HERPUD2: variants seen among roughly 807,000 people sequenced by gnomAD.
HERPUD2 encodes the protein homocysteine-responsive endoplasmic reticulum-resident ubiquitin-like domain member 2 protein.
A neutral mutation model predicts 49.9 loss-of-function variants in HERPUD2; 13 were observed. That is an observed-to-expected ratio of 0.26 (90% CI 0.17 to 0.41). HERPUD2 has a LOEUF of 0.41. HERPUD2 is among the 10% of genes least tolerant of loss of function. HERPUD2 has a pLI of 1.00. For synonymous variants in HERPUD2, 172 were observed against 171.4 expected, an observed-to-expected ratio of 1.00 and a Z score of -0.03; for missense variants, 449 against 492.2, an observed-to-expected ratio of 0.91 and a Z score of 0.83.
At chr7:35,661,158 T>G (rs948338820) in intron 5 of HERPUD2, among the ~76,000 whole-genome samples, 4 of 152,196 alleles carry the variant, frequency 2.6e-5, no homozygotes, top group Non-Finnish European at 5.9e-5. Context: ...TTTCTTGTTT[T>G]CGTCAGGTTT....
At chr7:35,685,939 C>T (rs147497907) in intron 2 of HERPUD2, among the ~76,000 whole-genome samples, 257 of 150,572 alleles carry the variant, frequency 1.7e-3, no homozygotes, top group African/African-American at 5.9e-3. Flanking sequence ...CCAGCCTGGA[C>T]AACAGAGCGA....
chr7:35,654,983 T>C (rs1490838806), intron 5 of HERPUD2, among the ~76,000 whole-genome samples: 3 of 152,040 alleles, frequency 2.0e-5, no homozygotes, highest in Non-Finnish European at 2.9e-5. Context: ...GCCTCCAGAG[T>C]AGCTGGGATT....
chr7:35,655,540 T>C (rs921601421), intron 5 of HERPUD2, among the ~76,000 whole-genome samples: 1 of 152,106 alleles, frequency 6.6e-6, no homozygotes, highest in Admixed American at 6.5e-5. Flanking sequence ...GGAACATATC[T>C]CAACATAAAA....
intron 5 of HERPUD2, among the ~76,000 whole-genome samples, chr7:35,648,925 C>T (rs1785106019): frequency 6.6e-6 from 1 of 152,098 alleles, no homozygotes; most frequent in Non-Finnish European, 1.5e-5. Context: ...ATTAGTAAAC[C>T]TACATAAAGA....
chr7:35,682,345 GTGTGTGTGTGTGTATATATATATATATA>G (rs1785925189), intron 2 of HERPUD2, among the ~76,000 whole-genome samples: 13 of 28,236 alleles, frequency 4.6e-4, no homozygotes, highest in Admixed American at 2.8e-3. Context: ...GTGTGTGTGT[GTGTGTGTGTGTGTATATATATATATATA>G]TATATATATA....
intron 5 of HERPUD2, among the ~76,000 whole-genome samples, chr7:35,658,323 G>C (rs1785327751): frequency 1.3e-5 from 2 of 152,186 alleles, no homozygotes; most frequent in Non-Finnish European, 2.9e-5. Flanking sequence ...CAAGGGGCTA[G>C]GAAGGGTGCT....
chr7:35,674,151 T>C (rs1005448015), intron 2 of HERPUD2, among the ~76,000 whole-genome samples: 15 of 151,732 alleles, frequency 9.9e-5, no homozygotes, highest in African/African-American at 3.6e-4. Flanking sequence ...AGGGTCTTCT[T>C]ATATTAAAAT....
At chr7:35,683,185 T>C (rs1217632689) in intron 2 of HERPUD2, among the ~76,000 whole-genome samples, 2 of 152,256 alleles carry the variant, frequency 1.3e-5, no homozygotes, top group Admixed American at 6.5e-5. Flanking sequence ...TACAAGGCCA[T>C]AGTCACCAAA....
chr7:35,648,530 C>T (rs1785097730), intron 5 of HERPUD2, among the ~76,000 whole-genome samples: 1 of 152,142 alleles, frequency 6.6e-6, no homozygotes, highest in African/African-American at 2.4e-5. Context: ...AAGCATTTAC[C>T]AGCACAGCAC....
At position 35,633,759 on chromosome 7, in the gene HERPUD2, T is replaced by C; in HGVS notation, c.1152A>G (p.Ser384=). The stretch of plus-strand genomic sequence containing the variant: ...AGAAGGTGGTGATGAAAGACCAAGC[T>C]GAAGCCATTAATCCAGGCCTTTGAA... ...SAIQRPGLMA[S]AWSFITTFFT... The change falls in exon 9 of 9, where the codon TCA becomes TCG. Residue 384 remains serine, a synonymous_variant. Transcript: ENST00000311350. 6.2e-7 allele frequency: 1 copy of C among 1,614,058 alleles called. No individual in the cohort carries two copies. Among genetic ancestry groups the C allele is most frequent in the Non-Finnish European group, 8.5e-7 (1 of 1,179,968 alleles).
At chr7:35,670,577 A>G (rs1250383566) in intron 3 of HERPUD2, among the ~76,000 whole-genome samples, 2 of 152,100 alleles carry the variant, frequency 1.3e-5, no homozygotes, top group Non-Finnish European at 2.9e-5. Context: ...ATTATTTTGC[A>G]TACGAAGCAG....
chr7:35,647,253 T>A (rs1007768666), intron 5 of HERPUD2, among the ~76,000 whole-genome samples: 3 of 152,108 alleles, frequency 2.0e-5, no homozygotes, highest in African/African-American at 7.2e-5. Context: ...TTATTCTCCC[T>A]ATTAACCCCC....
intron 4 of HERPUD2, among the ~76,000 whole-genome samples, 173 bp from the exon 5 acceptor site, chr7:35,667,761 A>T (rs1785567916): frequency 6.6e-6 from 1 of 152,216 alleles, no homozygotes; most frequent in Admixed American, 6.5e-5. Context: ...TTAGTACGTC[A>T]AAACTTATCA....
Position 35,694,737 on chromosome 7 carries a change from G to A in HERPUD2, c.-298+64C>T, listed in dbSNP as rs189258865. The A allele has an allele frequency of 1.5e-3, 283 of 186,966 alleles. 2 individuals are homozygous for A. Among genetic ancestry groups the A allele is most frequent in the African/African-American group, 6.1e-3 (262 of 42,970 alleles). 11.6% of individuals were successfully genotyped at this position (186,966 alleles called of 1,614,324 possible). ...AACGCAACAAGGCCCCTACGCCACGGCCCCGCGGTGCGGATCGGGGAAGCA... is the reference window on the plus strand; with the variant it reads ...AACGCAACAAGGCCCCTACGCCACGACCCCGCGGTGCGGATCGGGGAAGCA... On this transcript the variant is annotated intron_variant, in intron 1 of 8. Coordinates refer to ENST00000311350, the MANE Select transcript of HERPUD2 (RefSeq NM_022373.5).
chr7:35,633,589 T>C lies in HERPUD2; in HGVS notation c.*101A>G, dbSNP rs111867949. 266 of 1,058,092 alleles carry C rather than the reference T, an allele frequency of 2.5e-4. No homozygotes were observed. In the African/African-American group the frequency reaches 3.3e-3, roughly 13 times the overall value. The allele number at this position is 1,058,092 out of a possible 1,614,324, so 65.5% of individuals were successfully genotyped here. The stretch of plus-strand genomic sequence containing the variant: ...TAAAGAAAAAAAACACCTCTGTACA[T>C]GATGATCAAAAGAAAGTTATAAATT... On this transcript the variant is annotated 3_prime_UTR_variant, in exon 9 of 9. Coordinates refer to ENST00000311350, the MANE Select transcript of HERPUD2 (RefSeq NM_022373.5).
intron 2 of HERPUD2, among the ~76,000 whole-genome samples, chr7:35,677,314 C>T (rs1284456187): frequency 6.6e-6 from 1 of 152,160 alleles, no homozygotes; most frequent in African/African-American, 2.4e-5. Context: ...TTTCCCCATT[C>T]TTTTTAACAA....
Position 35,633,620 on chromosome 7 carries a change from G to T in HERPUD2, c.*70C>A. The T allele has an allele frequency of 5.1e-6, 7 of 1,376,958 alleles. No homozygotes were observed. Among genetic ancestry groups the T allele is most frequent in the Non-Finnish European group, 5.9e-6 (6 of 1,012,836 alleles). 85.3% of individuals were successfully genotyped at this position (1,376,958 alleles called of 1,614,324 possible). On this transcript the variant is annotated 3_prime_UTR_variant, in exon 9 of 9. Coordinates refer to ENST00000311350, the MANE Select transcript of HERPUD2 (RefSeq NM_022373.5). ...TCAAAAGAAAGTTATAAATTTTTTTGAAATTGCACTGTTATTTAAACCACT... is the reference window on the plus strand; with the variant it reads ...TCAAAAGAAAGTTATAAATTTTTTTTAAATTGCACTGTTATTTAAACCACT...
At chr7:35,647,316 C>T (rs1340951106) in intron 5 of HERPUD2, among the ~76,000 whole-genome samples, 4 of 152,248 alleles carry the variant, frequency 2.6e-5, no homozygotes, top group Admixed American at 1.3e-4. Context: ...CTCCTCCAAG[C>T]AGAGATAGTC....
chr7:35,677,864 G>A (rs1481764050), intron 2 of HERPUD2, among the ~76,000 whole-genome samples: 1 of 152,170 alleles, frequency 6.6e-6, no homozygotes, highest in Non-Finnish European at 1.5e-5. Context: ...TATGACAGAT[G>A]TAGCTAAAGA....
Sources: allele counts gnomAD v4.1 joint callset (sites outside exome capture counted in the v4.1 genomes callset), GRCh38; gene constraint gnomAD v4.1.1; transcripts MANE v1.5; gene names NCBI Gene and HGNC (gene_info 2026-07-23, HGNC 2026-07-21).